The following CACNA1H variants were observed in gnomAD, a reference collection of about 807,000 sequenced individuals.
The protein encoded by CACNA1H is calcium voltage-gated channel subunit alpha1 H.
CACNA1H carries 149 observed loss-of-function variants against 192.5 expected under a neutral mutation model. The observed-to-expected ratio is 0.77, with a 90% confidence interval of 0.68 to 0.89. The LOEUF is 0.89. CACNA1H is among the 40% of genes least tolerant of loss of function. The pLI is 0.00. For synonymous variants in CACNA1H, 2,202 were observed against 1,475.2 expected, an observed-to-expected ratio of 1.49 and a Z score of -11.29; for missense variants, 4,257 against 3,423.5, an observed-to-expected ratio of 1.24 and a Z score of -6.08.
At position 1,210,646 on chromosome 16, in the gene CACNA1H, G is replaced by A. The variant is rs777795718; in HGVS notation, c.4033G>A (p.Val1345Met). 6.2e-6 allele frequency: 10 copies of A among 1,603,966 alleles called. No individual in the cohort carries two copies. The highest frequency in any genetic ancestry group is 8.5e-6 in the Non-Finnish European group (10 of 1,179,656). ...FTAIFVAEMM[V>M]KVVALGLLSG... ...GGCCATCTTCGTGGCGGAGATGATG[G>A]TGAAGGTACCGCGGGGCCCGGGGAC... Residue 1345 changes from valine to methionine, a missense_variant, in exon 20 of 35, where the codon GTG becomes ATG. Transcript: ENST00000348261.
rs768056172 is a variant in CACNA1H, at chr16:1,209,166, G to A, written c.3498G>A (p.Leu1166=). 1.1e-5 allele frequency: 17 copies of A among 1,552,840 alleles called. No individual in the cohort carries two copies. The East Asian group carries it at 4.1e-4, about 38-fold the overall frequency. Residue 1166 remains leucine (L), a synonymous_variant, in exon 17 of 35, where the codon CTG becomes CTA. Transcript: ENST00000348261. ...RRGQCGERES[L]LSGEGKGSTD... ...GCCAGTGTGGGGAACGTGAGTCCCT[G>A]CTGTCTGGCGAGGGCAAGGGCAGCA...
At position 1,221,563 on chromosome 16, in the gene CACNA1H, G is replaced by A. The variant is rs1014305664; in HGVS notation, c.*569G>A. The A allele has an allele frequency of 5.6e-4, 301 of 540,852 alleles. No homozygotes were observed. Among genetic ancestry groups the A allele is most frequent in the Non-Finnish European group, 5.0e-4 (155 of 308,584 alleles). The allele number at this position is 540,852 out of a possible 1,614,324, so 33.5% of individuals were successfully genotyped here. On this transcript the variant is annotated 3_prime_UTR_variant, in exon 35 of 35. Transcript: ENST00000348261. ...AGAGGTGACACCTCACTAAGGGGCCGACCCCATGGAGTAACGCGCCCGGCC... is the reference window on the plus strand; with the variant it reads ...AGAGGTGACACCTCACTAAGGGGCCAACCCCATGGAGTAACGCGCCCGGCC...
Position 1,213,774 on chromosome 16 carries a change from C to G in CACNA1H, c.4778-6C>G, listed in dbSNP as rs1969734833. The stretch of plus-strand genomic sequence containing the variant: ...TGCCCGGCGCTCATGGCCGCCCTCC[C>G]CGCAGAGGCCCAGCGCCGGCCCTAC... On this transcript the variant is annotated splice_region_variant and splice_polypyrimidine_tract_variant and intron_variant, in intron 26 of 34. Coordinates refer to ENST00000348261, the MANE Select transcript of CACNA1H (RefSeq NM_021098.3). 6.5e-7 allele frequency: 1 copy of G among 1,547,088 alleles called. No homozygotes were observed. The highest frequency in any genetic ancestry group is 2.4e-5 in the East Asian group (1 of 41,320).
At chr16:1,154,936 C>G (rs909142465) in intron 2 of CACNA1H, among the ~76,000 whole-genome samples, 22 of 152,168 alleles carry the variant, frequency 1.4e-4, no homozygotes, top group African/African-American at 5.1e-4. Flanking sequence ...CCCCACCGGC[C>G]CTTCTGAGCC....
intron 9 of CACNA1H, among the ~76,000 whole-genome samples, chr16:1,203,440 A>G (rs952860388): frequency 3.3e-5 from 5 of 152,172 alleles, no homozygotes; most frequent in African/African-American, 1.2e-4. Context: ...ACGTCTCTGC[A>G]CCTAAGTGTG....
Position 1,200,890 on chromosome 16 carries a change from A to C in CACNA1H, c.1212+82A>C, listed in dbSNP as rs2141247700. The C allele has an allele frequency of 3.6e-6, 3 of 825,978 alleles. No individual in the cohort carries two copies. The East Asian group carries it at 1.3e-4, about 35-fold the overall frequency. The allele number at this position is 825,978 out of a possible 1,614,324, so 51.2% of individuals were successfully genotyped here. On this transcript the variant is annotated intron_variant, in intron 8 of 34. Coordinates refer to ENST00000348261, the MANE Select transcript of CACNA1H (RefSeq NM_021098.3). ...TGGGGTGGGGTACCTGGGTGGTCATAGGGGCTCCTGTCTGTCTTCCAGCTG... is the reference window on the plus strand; with the variant it reads ...TGGGGTGGGGTACCTGGGTGGTCATCGGGGCTCCTGTCTGTCTTCCAGCTG...
Position 1,180,026 on chromosome 16 carries a change from TGCCCG to T in CACNA1H, c.300-14937_300-14933del, listed in dbSNP as rs1455388946. On this transcript the variant is annotated intron_variant, in intron 2 of 34. Coordinates refer to ENST00000348261, the MANE Select transcript of CACNA1H (RefSeq NM_021098.3). This position sits in a 1 kb window ranked among gnomAD's most constrained non-coding sequence, Gnocchi z 4.4. ...CTGGGATAACAGGCGTGAGCCACCA[TGCCCG>T]GCCCGGCCTTGTTTTTTAATATACA... Among the ~76,000 whole-genome samples, 1 of 152,042 alleles carries T rather than the reference TGCCCG, an allele frequency of 6.6e-6. No homozygotes were observed. The highest frequency in any genetic ancestry group is 1.5e-5 in the Non-Finnish European group (1 of 67,970).
At position 1,195,953 on chromosome 16, in the gene CACNA1H, C is replaced by A; in HGVS notation, c.573C>A (p.His191Gln). Reference sequence around the variant, plus strand: ...TGATGGAGTACTCGTTGGACGGACACAACGTGAGCCTCTCGGCTATCAGGA... The same window carrying A: ...TGATGGAGTACTCGTTGGACGGACAAAACGTGAGCCTCTCGGCTATCAGGA... ...AGMMEYSLDG[H>Q]NVSLSAIRTV... is the part of the protein sequence containing the mutation. The change falls in exon 5 of 35, where the codon CAC (histidine) becomes CAA (glutamine). Residue 191 changes from histidine to glutamine, a missense_variant. Physicochemically the swap from His to Gln is conservative, Grantham distance 24. Coordinates refer to ENST00000348261, the MANE Select transcript of CACNA1H (RefSeq NM_021098.3). The A allele has an allele frequency of 6.2e-7, 1 of 1,613,154 alleles. No homozygotes were observed. Among genetic ancestry groups the A allele is most frequent in the Middle Eastern group, 1.6e-4 (1 of 6,062 alleles).
intron 33 of CACNA1H, 48 bp downstream of exon 33, chr16:1,218,699 G>T: frequency 6.8e-7 from 1 of 1,470,790 alleles, no homozygotes. Flanking sequence ...AGCAGGACAG[G>T]GAGGAAGATG....
rs375508647 is a variant in CACNA1H, at chr16:1,183,993, C to T, written c.300-10979C>T. Among the ~76,000 whole-genome samples the T allele has an allele frequency of 2.9e-3, 449 of 152,350 alleles. 3 individuals carry two copies. The highest frequency in any genetic ancestry group is 0.014 in the South Asian group (69 of 4,834). On this transcript the variant is annotated intron_variant, in intron 2 of 34. Coordinates refer to ENST00000348261, the MANE Select transcript of CACNA1H (RefSeq NM_021098.3). ...GTCTGCCTCGGCAGCTGTGGCTGCC[C>T]CGGTGCTTCATCGGATGCCAGGGAC... is the stretch of plus-strand genomic sequence containing the variant.
At chr16:1,196,930 T>G (rs1417224727) in intron 5 of CACNA1H, among the ~76,000 whole-genome samples, 1 of 152,158 alleles carries the variant, frequency 6.6e-6, no homozygotes, top group Admixed American at 6.5e-5. Flanking sequence ...TGCGTGTAGA[T>G]GTGGCCCCGT....
chr16:1,193,082 T>A (rs937431466), intron 2 of CACNA1H, among the ~76,000 whole-genome samples: 1 of 151,968 alleles, frequency 6.6e-6, no homozygotes, highest in Admixed American at 6.5e-5. Flanking sequence ...CCGTGGGGGC[T>A]CAGGTCAGGG....
chr16:1,173,856 A>C (rs1205376385), intron 2 of CACNA1H, among the ~76,000 whole-genome samples: 4 of 151,916 alleles, frequency 2.6e-5, no homozygotes, highest in African/African-American at 4.8e-5. Context: ...TAACCTGTGC[A>C]CACAGTGGGA....
intron 5 of CACNA1H, among the ~76,000 whole-genome samples, chr16:1,196,689 A>G (rs1458395239): frequency 6.6e-6 from 1 of 152,020 alleles, no homozygotes; most frequent in Non-Finnish European, 1.5e-5. Flanking sequence ...CCTGGTGGAG[A>G]GGAGCTGCTG....
rs534113972 is a variant in CACNA1H, at chr16:1,167,580, C to T, written c.299+13544C>T. Among the ~76,000 whole-genome samples, 15 of 152,338 alleles carry T rather than the reference C, an allele frequency of 9.8e-5. No homozygotes were observed. The highest frequency in any genetic ancestry group is 2.4e-4 in the African/African-American group (10 of 41,580). ...AAGGCTGGAGCCACACTCCTCACCG[C>T]GGCGGTGCCACTAATGGGGTTGCCG... On this transcript the variant is annotated intron_variant, in intron 2 of 34. Transcript: ENST00000348261. This position sits in a 1 kb window ranked among gnomAD's most constrained non-coding sequence, Gnocchi z 4.2.
intron 2 of CACNA1H, among the ~76,000 whole-genome samples, chr16:1,172,660 C>T (rs545898935): frequency 8.5e-5 from 13 of 152,318 alleles, no homozygotes; most frequent in African/African-American, 2.6e-4. Context: ...TTCCCATAAC[C>T]GGCTTCCTGT....
At chr16:1,206,688 TC>T in intron 12 of CACNA1H, 1 of 455,534 alleles carries the variant, frequency 2.2e-6, no homozygotes. Flanking sequence ...GCTTTCACAG[TC>T]CAGAGAGGCT....
At chr16:1,215,696 T>G in intron 30 of CACNA1H, 103 bp downstream of exon 30, 2 of 933,750 alleles carry the variant, frequency 2.1e-6, no homozygotes, top group South Asian at 1.5e-5. Context: ...CTCTGGTCCC[T>G]CGGTTGTGTG....
chr16:1,200,192 C>T (rs2141240562), intron 6 of CACNA1H, 64 bp from the exon 7 acceptor site: 3 of 1,338,788 alleles, frequency 2.2e-6, no homozygotes, highest in Non-Finnish European at 3.1e-6. Flanking sequence ...CACAATCGTG[C>T]CCCCGACTCT....
Sources: gnomAD v4.1 joint callset for allele counts (sites outside exome capture counted in the v4.1 genomes callset) on GRCh38, gnomAD v4.1.1 for gene constraint, Gnocchi (gnomAD v3.1) non-coding constraint, MANE v1.5 for transcripts, NCBI Gene and HGNC (gene_info 2026-07-23, HGNC 2026-07-21) for gene names.